CAST: variants seen among roughly 807,000 people sequenced by gnomAD.
CAST encodes MIR583 host.
A neutral mutation model predicts 119.6 loss-of-function variants in CAST; 76 were observed. The ratio of observed to expected loss-of-function variants is 0.64; its 90% CI spans 0.53 to 0.77. CAST has a LOEUF of 0.77. CAST is among the 30% of genes least tolerant of loss of function. The pLI is 0.00. For missense variants in CAST, 953 were observed against 946.5 expected (o/e 1.01, Z -0.09); for synonymous variants, 319 against 331.6 (o/e 0.96, Z 0.41).
chr5:96,338,520 T>G, the CAST span, among the ~76,000 whole-genome samples: 1 of 152,224 alleles, frequency 6.6e-6, no homozygotes, highest in Admixed American at 6.5e-5. Flanking sequence ...TATTGAACTC[T>G]GAGTCTGGAG....
At chr5:95,987,674 T>TC in the CAST span, among the ~76,000 whole-genome samples, 95 of 152,090 alleles carry the variant, frequency 6.2e-4, no homozygotes, top group African/African-American at 2.2e-3. Flanking sequence ...CTCTGAGCCT[T>TC]AGTTTCTCTA....
At chr5:96,412,329 C>T in the CAST span, 1 of 1,614,036 alleles carries the variant, frequency 6.2e-7, no homozygotes, top group Non-Finnish European at 8.5e-7. Context: ...TGTTTGACAC[C>T]ATATTCAAAA....
chr5:96,348,759 G>A, the CAST span, among the ~76,000 whole-genome samples: 1 of 152,218 alleles, frequency 6.6e-6, no homozygotes, highest in Non-Finnish European at 1.5e-5. Context: ...TGTAAGCCTG[G>A]ACTCAGCAGG....
chr5:96,589,530 T>G (rs1746927599), intron 1 of CAST, among the ~76,000 whole-genome samples: 4 of 152,208 alleles, frequency 2.6e-5, no homozygotes, highest in African/African-American at 9.6e-5. Flanking sequence ...ATTTTTGCAC[T>G]TGCTTTTAAA....
chr5:96,648,423 A>G (rs1475449362), intron 1 of CAST, among the ~76,000 whole-genome samples: 1 of 151,706 alleles, frequency 6.6e-6, no homozygotes, highest in African/African-American at 2.4e-5. Context: ...TTAAGTTTAT[A>G]TATTTAAGTT....
At chr5:96,622,445 AAG>A (rs541782304) in intron 1 of CAST, among the ~76,000 whole-genome samples, 175 of 152,304 alleles carry the variant, frequency 1.1e-3, no homozygotes, top group African/African-American at 4.0e-3. Flanking sequence ...CTAAGGGAGA[AAG>A]AGAGAATGCA....
chr5:96,654,011 C>T (rs865810442), intron 1 of CAST, among the ~76,000 whole-genome samples: 2 of 144,728 alleles, frequency 1.4e-5, no homozygotes, highest in Admixed American at 7.4e-5. Flanking sequence ...TTCTCCTTAT[C>T]GTTTTCTTTT....
chr5:96,188,637 C>A, the CAST span, among the ~76,000 whole-genome samples: 1 of 152,104 alleles, frequency 6.6e-6, no homozygotes, highest in Non-Finnish European at 1.5e-5. Context: ...TTCCCTCCCC[C>A]CTTTAATATC....
At chr5:96,197,477 G>A in the CAST span, among the ~76,000 whole-genome samples, 5 of 152,152 alleles carry the variant, frequency 3.3e-5, no homozygotes, top group African/African-American at 1.2e-4. Context: ...ACCCAAGGAA[G>A]GGAAAGTGGG....
At chr5:96,505,158 T>C in the CAST span, among the ~76,000 whole-genome samples, 1 of 152,252 alleles carries the variant, frequency 6.6e-6, no homozygotes, top group East Asian at 1.9e-4. Flanking sequence ...AGCATGTGCT[T>C]AGCTTTCTAA....
the CAST span, among the ~76,000 whole-genome samples, chr5:96,143,455 G>C: frequency 6.6e-6 from 1 of 152,142 alleles, no homozygotes; most frequent in East Asian, 1.9e-4. Context: ...TCTTGCTATT[G>C]ATACCACTTA....
At chr5:96,662,563 C>T in intron 1 of CAST, 66 bp downstream of exon 1, 1 of 1,322,576 alleles carries the variant, frequency 7.6e-7, no homozygotes, top group Admixed American at 4.2e-5. Flanking sequence ...GAGCTGTGGC[C>T]GCCCTCCCTG....
chr5:96,254,956 A>T, the CAST span, among the ~76,000 whole-genome samples: 1 of 152,128 alleles, frequency 6.6e-6, no homozygotes, highest in Non-Finnish European at 1.5e-5. Flanking sequence ...GCTCATGTCT[A>T]AGTCTTTTCA....
At chr5:96,126,030 T>G in the CAST span, among the ~76,000 whole-genome samples, 1 of 152,180 alleles carries the variant, frequency 6.6e-6, no homozygotes, top group African/African-American at 2.4e-5. Flanking sequence ...GAAATGTTCT[T>G]TATTCATTCA....
chr5:96,196,422 G>A, the CAST span, among the ~76,000 whole-genome samples: 11 of 152,296 alleles, frequency 7.2e-5, no homozygotes, highest in East Asian at 1.9e-3. Context: ...TAAGTGCTGA[G>A]TAAATAAGAT....
the CAST span, among the ~76,000 whole-genome samples, chr5:96,479,977 G>C: frequency 9.2e-5 from 14 of 152,076 alleles, no homozygotes; most frequent in African/African-American, 3.4e-4. Flanking sequence ...TCTGTGGGGA[G>C]AGGGGATTCT....
the CAST span, among the ~76,000 whole-genome samples, chr5:95,980,060 G>A: frequency 1.3e-5 from 2 of 152,170 alleles, no homozygotes; most frequent in Non-Finnish European, 2.9e-5. Flanking sequence ...GGAGGTTGCC[G>A]TGAGCCAAGG....
chr5:96,151,247 G>A, the CAST span, among the ~76,000 whole-genome samples: 1 of 152,204 alleles, frequency 6.6e-6, no homozygotes, highest in Non-Finnish European at 1.5e-5. Flanking sequence ...GGCAGAGGAA[G>A]GAGAGGATCA....
intron 2 of CAST, among the ~76,000 whole-genome samples, chr5:96,686,169 CT>C (rs11357771): frequency 0.37 from 55,126 of 149,398 alleles, 11,357 homozygotes; most frequent in African/African-American, 0.54. Flanking sequence ...TTGATTATTC[CT>C]TTTTTTTTTC....
Sources: allele counts gnomAD v4.1 joint callset (sites outside exome capture counted in the v4.1 genomes callset), GRCh38; gene constraint gnomAD v4.1.1; transcripts MANE v1.5; gene names NCBI Gene and HGNC (gene_info 2026-07-23, HGNC 2026-07-21).